Variants in CDK5RAP1 observed in about 807,000 individuals in gnomAD.
CDK5RAP1 encodes the protein CDK5RAP1 mitochondrial tRNA methylthiotransferase.
A neutral mutation model predicts 64.5 loss-of-function variants in CDK5RAP1; 62 were observed. The ratio of observed to expected loss-of-function variants is 0.96; its 90% CI spans 0.78 to 1.19. CDK5RAP1 has a LOEUF of 1.19. Ranked by LOEUF, CDK5RAP1 falls within the 50% of genes most tolerant of loss-of-function variation. CDK5RAP1 has a pLI of 0.00. For missense variants in CDK5RAP1, 657 were observed against 735.0 expected, an observed-to-expected ratio of 0.89 and a Z score of 1.23; for synonymous variants, 250 against 261.9, an observed-to-expected ratio of 0.95 and a Z score of 0.44.
intron 5 of CDK5RAP1, 24 bp downstream of exon 5, chr20:33,392,118 C>T (rs1200441042): frequency 8.2e-6 from 12 of 1,468,200 alleles, no homozygotes; most frequent in Non-Finnish European, 9.5e-6. Context: ...TCAAAGCTGA[C>T]AAAATGTGCA....
intron 2 of CDK5RAP1, 57 bp downstream of exon 2, chr20:33,396,704 G>C (rs573986290): frequency 1.6e-6 from 2 of 1,267,846 alleles, no homozygotes; most frequent in East Asian, 4.6e-5. Flanking sequence ...ATCATGCCAG[G>C]AATGACAGAG....
At chr20:33,395,321 T>C (rs771815894) in intron 2 of CDK5RAP1, among the ~76,000 whole-genome samples, 11 of 152,112 alleles carry the variant, frequency 7.2e-5, no homozygotes, top group Non-Finnish European at 1.3e-4. Flanking sequence ...AGAAATACCA[T>C]ATTAGGCTGG....
At chr20:33,389,438 G>T (rs563922247) in intron 5 of CDK5RAP1, among the ~76,000 whole-genome samples, 1 of 151,894 alleles carries the variant, frequency 6.6e-6, no homozygotes, top group Admixed American at 6.6e-5. Context: ...CAGCTGCCCC[G>T]ACTGGGAAGT....
intron 5 of CDK5RAP1, among the ~76,000 whole-genome samples, chr20:33,389,635 G>A (rs1421659483): frequency 7.9e-5 from 12 of 151,412 alleles, no homozygotes; most frequent in South Asian, 4.2e-4. Context: ...GGTGGGGGGC[G>A]CCTCTGCCCG....
chr20:33,390,869 T>C (rs1275289202), intron 5 of CDK5RAP1, among the ~76,000 whole-genome samples: 1 of 152,184 alleles, frequency 6.6e-6, no homozygotes, highest in Non-Finnish European at 1.5e-5. Flanking sequence ...TTTTCCATAA[T>C]GTTAAATACA....
chr20:33,359,205 C>T (rs184316315), intron 13 of CDK5RAP1, 82 bp from the exon 14 acceptor site: 121 of 1,056,910 alleles, frequency 1.1e-4, no homozygotes, highest in Admixed American at 4.6e-4. Context: ...AGAGGAGAAG[C>T]CCCCAAAAGG....
intron 12 of CDK5RAP1, among the ~76,000 whole-genome samples, chr20:33,365,131 C>A (rs912763472): frequency 6.6e-6 from 1 of 151,866 alleles, no homozygotes; most frequent in Non-Finnish European, 1.5e-5. Flanking sequence ...CCTGGGCTCA[C>A]GCAATCCTCC....
At position 33,395,130 on chromosome 20, in the gene CDK5RAP1, T is replaced by C. The variant is rs199944716; in HGVS notation, c.305-14A>G. 415 of 1,488,928 alleles carry C rather than the reference T, an allele frequency of 2.8e-4. No individual in the cohort carries two copies. Among genetic ancestry groups the C allele is most frequent in the East Asian group, 6.3e-4 (28 of 44,270 alleles). 92.2% of individuals were successfully genotyped at this position (1,488,928 alleles called of 1,614,324 possible). ...TCTCGAGGTAGACTGCAGTGAGAGG[T>C]TGGGGGGAATCCATGGTAGACAGAC... On this transcript the variant is annotated splice_polypyrimidine_tract_variant and intron_variant, in intron 2 of 13. Coordinates refer to ENST00000346416, the MANE Select transcript of CDK5RAP1 (RefSeq NM_016408.4).
At chr20:33,374,084 G>C in intron 9 of CDK5RAP1, 31 bp downstream of exon 9, 1 of 1,457,976 alleles carries the variant, frequency 6.9e-7, no homozygotes, top group Non-Finnish European at 9.6e-7. Context: ...ATGGAAAAGT[G>C]AGGGATGCCC....
Position 33,379,516 on chromosome 20 carries a change from T to G in CDK5RAP1, c.1052A>C (p.Asp351Ala), listed in dbSNP as rs1986477007. 6.2e-7 allele frequency: 1 copy of G among 1,614,014 alleles called. No individual in the cohort carries two copies. Among genetic ancestry groups the G allele is most frequent in the African/African-American group, 1.3e-5 (1 of 74,910 alleles). The change falls in exon 8 of 14, where the codon GAT becomes GCT. Residue 351 changes from aspartate (D) to alanine (A), a missense_variant. By Grantham distance (126) the Asp-to-Ala change is moderately radical (BLOSUM62 -2). Transcript: ENST00000346416. Reference protein sequence around the residue: ...AHLLDQVSRVDPEMRIRFTSP... With the variant: ...AHLLDQVSRVAPEMRIRFTSP... ...GGTAAAACGGATCCTCATTTCAGGA[T>G]CTACTCTGGAGACCTGATCCAGAAG...
intron 6 of CDK5RAP1, 39 bp downstream of exon 6, chr20:33,387,280 AGGAG>A: frequency 1.4e-6 from 2 of 1,433,334 alleles, no homozygotes; most frequent in South Asian, 1.2e-5. Flanking sequence ...AAAGTGTGAA[AGGAG>A]GAAGAGGCTT....
At chr20:33,380,210 A>G (rs773863366) in intron 7 of CDK5RAP1, among the ~76,000 whole-genome samples, 1 of 152,198 alleles carries the variant, frequency 6.6e-6, no homozygotes, top group South Asian at 2.1e-4. Context: ...AACAAAAAAT[A>G]AAAGAGCTGT....
chr20:33,375,301 T>C (rs1466933123), intron 8 of CDK5RAP1, among the ~76,000 whole-genome samples: 13 of 145,012 alleles, frequency 9.0e-5, no homozygotes, highest in Admixed American at 1.4e-4. Context: ...ACTCAGGAGG[T>C]TGAGGCAGGA....
chr20:33,367,491 T>C lies in CDK5RAP1; in HGVS notation c.1393-483A>G, dbSNP rs149600418. Among the ~76,000 whole-genome samples, 8 of 152,214 alleles carry C rather than the reference T, an allele frequency of 5.3e-5. No individual in the cohort carries two copies. In the East Asian group the frequency reaches 1.5e-3, roughly 29 times the overall value. ...ATTGTTCTCCAAAATCTACTGTTAC[T>C]TGAAATAAGCAAAGTGCAGATCAAC... On this transcript the variant is annotated intron_variant, in intron 11 of 13. Transcript: ENST00000346416.
chr20:33,376,542 G>A (rs768580648), intron 8 of CDK5RAP1, among the ~76,000 whole-genome samples: 2 of 152,040 alleles, frequency 1.3e-5, no homozygotes, highest in Non-Finnish European at 2.9e-5. Flanking sequence ...CATTGACAAC[G>A]CACCTGGTCA....
intron 6 of CDK5RAP1, 67 bp downstream of exon 6, chr20:33,387,256 C>CAA (rs367959712): frequency 1.2e-3 from 1,299 of 1,044,466 alleles, no homozygotes; most frequent in Middle Eastern, 1.9e-3. Context: ...GACCCTGTCT[C>CAA]AAAAAAAAAA....
intron 8 of CDK5RAP1, 66 bp from the exon 9 acceptor site, chr20:33,374,278 C>T (rs546197596): frequency 8.9e-6 from 9 of 1,011,694 alleles, no homozygotes; most frequent in African/African-American, 4.7e-5. Context: ...AAAGCAATAC[C>T]GCTCTTACTA....
rs1988944360 is a variant in CDK5RAP1, at chr20:33,396,845, C to T, written c.220G>A (p.Ala74Thr). The T allele has an allele frequency of 1.2e-6, 2 of 1,614,038 alleles. No individual in the cohort carries two copies. Among genetic ancestry groups the T allele is most frequent in the Non-Finnish European group, 1.7e-6 (2 of 1,180,032 alleles). Residue 74 changes from alanine (A) to threonine (T), a missense_variant, in exon 2 of 14, where the codon GCT becomes ACT. Transcript: ENST00000346416. ...TCTGAAGACAGCTTCTCCTGAGGAGCTGAGGCACTTTTTAAAAAATGTTGA... is the reference window on the plus strand; with the variant it reads ...TCTGAAGACAGCTTCTCCTGAGGAGTTGAGGCACTTTTTAAAAAATGTTGA... ...TFQHFLKSASAPQEKLSSEVE... is the reference protein window; with the variant it reads ...TFQHFLKSASTPQEKLSSEVE...
intron 7 of CDK5RAP1, among the ~76,000 whole-genome samples, chr20:33,382,462 C>T (rs918283799): frequency 9.2e-5 from 14 of 152,132 alleles, no homozygotes; most frequent in African/African-American, 3.4e-4. Flanking sequence ...GGGTAGATCA[C>T]CTGAGGTCAG....
Sources: allele counts gnomAD v4.1 joint callset (sites outside exome capture counted in the v4.1 genomes callset), GRCh38; gene constraint gnomAD v4.1.1; transcripts MANE v1.5; gene names NCBI Gene and HGNC (gene_info 2026-07-23, HGNC 2026-07-21).